WDFY3: variants seen among roughly 807,000 people sequenced by gnomAD.
The protein encoded by WDFY3 is WD repeat and FYVE domain containing 3, also known as WD repeat and FYVE domain-containing protein 3.
In WDFY3, 66 loss-of-function variants were observed where a neutral mutation model predicts 409.6. The observed-to-expected ratio is 0.16, with a 90% CI of 0.13 to 0.20. The LOEUF is 0.20. WDFY3 is among the 10% of genes least tolerant of loss of function. The probability of loss-of-function intolerance (pLI) is 1.00; values close to 1 mark genes in which losing one functional copy is unlikely to be tolerated. For missense variants in WDFY3, 3,031 were observed against 4,298.1 expected (o/e 0.71, Z 8.24); for synonymous variants, 1,521 against 1,537.1 (o/e 0.99, Z 0.25).
rs1399036801 is a variant in WDFY3 at position 84,809,964 on chromosome 4, T to C, written c.2268A>G (p.Glu756=). 1.9e-6 allele frequency: 3 copies of C among 1,614,166 alleles called. No individual in the cohort carries two copies. Among genetic ancestry groups the C allele is most frequent in the Admixed American group, 3.3e-5 (2 of 60,024 alleles). Reference sequence around the variant, plus strand: ...AGTGCCGTAACGTGGGTGACACTGATTCTATTGAGATTACATCTTCCTCTA... The same window carrying C: ...AGTGCCGTAACGTGGGTGACACTGACTCTATTGAGATTACATCTTCCTCTA... ...RLLEEDVISI[E]SVSPTLRHCS... is the part of the protein sequence containing the mutation. The change falls in exon 14 of 68, where the codon GAA becomes GAG. Residue 756 remains glutamate, a synonymous_variant. Transcript: ENST00000295888.
chr4:84,853,213 G>A (rs1759274004), intron 4 of WDFY3, among the ~76,000 whole-genome samples: 1 of 152,206 alleles, frequency 6.6e-6, no homozygotes, highest in South Asian at 2.1e-4. Flanking sequence ...TGTTGCCCAG[G>A]CTGGAGTGGT....
intron 1 of WDFY3, among the ~76,000 whole-genome samples, chr4:84,942,812 T>C (rs1386167129): frequency 8.5e-5 from 13 of 152,242 alleles, no homozygotes; most frequent in Admixed American, 2.6e-4. Context: ...CTGGTTCATA[T>C]CCTTTGCCAA....
At chr4:84,680,817 TTAG>T (rs1361197006) in intron 64 of WDFY3, among the ~76,000 whole-genome samples, 3 of 152,176 alleles carry the variant, frequency 2.0e-5, no homozygotes, top group Non-Finnish European at 4.4e-5. Flanking sequence ...CAGGAGGGTG[TTAG>T]TAGGTTTTAT....
intron 8 of WDFY3, among the ~76,000 whole-genome samples, chr4:84,831,115 G>A (rs1429969773): frequency 1.3e-5 from 2 of 150,648 alleles, no homozygotes; most frequent in Non-Finnish European, 3.0e-5. Context: ...GAACCCGGGA[G>A]GATGGAGGTT....
chr4:84,930,452 T>C (rs1391510448), intron 2 of WDFY3, among the ~76,000 whole-genome samples: 4 of 152,114 alleles, frequency 2.6e-5, no homozygotes, highest in African/African-American at 9.7e-5. Flanking sequence ...ACCACTATCA[T>C]CCACTCCTTT....
At chr4:84,857,374 G>A (rs537346755) in intron 4 of WDFY3, among the ~76,000 whole-genome samples, 31 of 152,038 alleles carry the variant, frequency 2.0e-4, no homozygotes, top group South Asian at 1.0e-3. Flanking sequence ...TAAAATACAT[G>A]GGATACATAT....
chr4:84,751,760 TG>T (rs1458276486), intron 35 of WDFY3, 44 bp from the exon 36 acceptor site: 1 of 1,598,316 alleles, frequency 6.3e-7, no homozygotes, highest in Non-Finnish European at 8.6e-7. Context: ...CATTAGACTC[TG>T]ACATTTTTAC....
chr4:84,860,737 A>ATC, intron 3 of WDFY3, 115 bp from the exon 4 acceptor site: 1 of 946,550 alleles, frequency 1.1e-6, no homozygotes. Context: ...TCTAAAATAT[A>ATC]TCTTTCTACT....
chr4:84,689,668 A>G (rs898601664), intron 61 of WDFY3, among the ~76,000 whole-genome samples: 5 of 152,190 alleles, frequency 3.3e-5, no homozygotes, highest in African/African-American at 1.2e-4. Flanking sequence ...AATTTAAATT[A>G]TAGCTTTACT....
At chr4:84,788,508 G>GT (rs1747920853) in intron 22 of WDFY3, among the ~76,000 whole-genome samples, 1 of 152,110 alleles carries the variant, frequency 6.6e-6, no homozygotes, top group Non-Finnish European at 1.5e-5. Context: ...AAGGAGCAAC[G>GT]TACTAGAGAA....
At chr4:84,763,480 T>C (rs373571294) in intron 32 of WDFY3, among the ~76,000 whole-genome samples, 1 of 152,212 alleles carries the variant, frequency 6.6e-6, no homozygotes, top group East Asian at 1.9e-4. Flanking sequence ...CAAACCACCA[T>C]GGCACATGTA....
At chr4:84,797,604 G>A (rs1033177364) in intron 18 of WDFY3, among the ~76,000 whole-genome samples, 31 of 115,828 alleles carry the variant, frequency 2.7e-4, no homozygotes, top group Non-Finnish European at 5.0e-4. Context: ...TTTTTGAGAC[G>A]GAGTCTTGCT....
intron 37 of WDFY3, among the ~76,000 whole-genome samples, chr4:84,742,389 C>A (rs1390574632): frequency 6.6e-6 from 1 of 152,176 alleles, no homozygotes; most frequent in Admixed American, 6.5e-5. Context: ...AAAGTATAAT[C>A]ATTGTTGAGG....
intron 1 of WDFY3, among the ~76,000 whole-genome samples, chr4:84,954,675 C>G (rs1774023138): frequency 6.6e-6 from 1 of 152,146 alleles, no homozygotes; most frequent in Non-Finnish European, 1.5e-5. Context: ...TACATTTATT[C>G]ACTCAACAAA....
At chr4:84,917,273 A>C (rs976294650) in intron 2 of WDFY3, among the ~76,000 whole-genome samples, 1 of 152,196 alleles carries the variant, frequency 6.6e-6, no homozygotes, top group Non-Finnish European at 1.5e-5. Flanking sequence ...TGCCAAGACC[A>C]TTGAAAAGAA....
intron 5 of WDFY3, among the ~76,000 whole-genome samples, chr4:84,846,469 G>A (rs1758090123): frequency 6.6e-6 from 1 of 151,808 alleles, no homozygotes; most frequent in Non-Finnish European, 1.5e-5. Flanking sequence ...CCCTGTGGAT[G>A]TAAAATCATA....
At position 84,756,499 on chromosome 4, in the gene WDFY3, C is replaced by T. The variant is rs1283797480; in HGVS notation, c.5424+427G>A. On this transcript the variant is annotated intron_variant, in intron 33 of 67. Coordinates refer to ENST00000295888, the MANE Select transcript of WDFY3 (RefSeq NM_014991.6). ...ACTCAGGAGACTGAGGTGGGAGAAT[C>T]GCTTGAACCCGGGAGGTGGAATTTT... Among the ~76,000 whole-genome samples, 3 of 151,684 alleles carry T rather than the reference C, an allele frequency of 2.0e-5. No individual in the cohort carries two copies. In the Admixed American group the frequency reaches 2.0e-4, roughly 10 times the overall value.
intron 36 of WDFY3, among the ~76,000 whole-genome samples, chr4:84,745,302 A>C (rs1739233889): frequency 1.3e-5 from 2 of 152,210 alleles, no homozygotes; most frequent in African/African-American, 4.8e-5. Context: ...TTCCTTTCTT[A>C]AAAAGAGATC....
rs747011830 is a variant in WDFY3 at position 84,716,973 on chromosome 4, T to G, written c.7798A>C (p.Ser2600Arg). 6.2e-7 allele frequency: 1 copy of G among 1,609,584 alleles called. No individual in the cohort carries two copies. The highest frequency in any genetic ancestry group is 8.5e-7 in the Non-Finnish European group (1 of 1,177,628). Residue 2600 changes from serine to arginine, a missense_variant, in exon 49 of 68, where the codon AGT (serine) becomes CGT (arginine). Transcript: ENST00000295888. ...ATGCTGCATGTTCTCTTGAGTTGACTAGGGCCTTGCCTGGCTCCTCTAGGA... is the reference window on the plus strand; with the variant it reads ...ATGCTGCATGTTCTCTTGAGTTGACGAGGGCCTTGCCTGGCTCCTCTAGGA... ...IIPRGARQGPSQLKRTCSIFA... is the reference protein window; with the variant it reads ...IIPRGARQGPRQLKRTCSIFA...
Sources: allele counts gnomAD v4.1 joint callset (sites outside exome capture counted in the v4.1 genomes callset), GRCh38; gene constraint gnomAD v4.1.1; transcripts MANE v1.5; gene names NCBI Gene and HGNC (gene_info 2026-07-23, HGNC 2026-07-21).